RNF13: variants seen among roughly 807,000 people sequenced by gnomAD.
The protein encoded by RNF13 is ring finger protein 13.
In RNF13, 19 loss-of-function variants were observed where a neutral mutation model predicts 37.7. The ratio of observed to expected loss-of-function variants is 0.50; its 90% CI spans 0.35 to 0.74. The LOEUF (loss-of-function observed/expected upper bound fraction) is 0.74, where lower values mean the gene tolerates loss of function less well. RNF13 is among the 30% of genes least tolerant of loss of function. The pLI is 0.01. For missense variants in RNF13, 375 were observed against 453.0 expected (o/e 0.83, Z 1.56); for synonymous variants, 144 against 157.8 (o/e 0.91, Z 0.65).
At chr3:149,950,132 TTTAA>T (rs1224979072) in intron 8 of RNF13, among the ~76,000 whole-genome samples, 3 of 152,232 alleles carry the variant, frequency 2.0e-5, no homozygotes, top group African/African-American at 4.8e-5. Context: ...TCTAGCACTT[TTTAA>T]TTCTTTCTCA....
At chr3:149,897,353 G>A (rs1715373412) in intron 5 of RNF13, among the ~76,000 whole-genome samples, 2 of 152,270 alleles carry the variant, frequency 1.3e-5, no homozygotes, top group Admixed American at 6.5e-5. Flanking sequence ...ATTATTATTT[G>A]TAAACTATTT....
intron 1 of RNF13, among the ~76,000 whole-genome samples, chr3:149,817,029 G>T (rs1214985878): frequency 6.6e-6 from 1 of 152,200 alleles, no homozygotes; most frequent in Non-Finnish European, 1.5e-5. Flanking sequence ...GGTGGAAGGA[G>T]ATTTAGGAGG....
intron 3 of RNF13, among the ~76,000 whole-genome samples, chr3:149,856,538 G>T (rs1030252314): frequency 6.6e-6 from 1 of 151,462 alleles, no homozygotes; most frequent in African/African-American, 2.4e-5. Context: ...CCAACTGCTG[G>T]GTTCAAGCCA....
At chr3:149,955,776 CT>C (rs557233503) in intron 8 of RNF13, among the ~76,000 whole-genome samples, 22 of 152,230 alleles carry the variant, frequency 1.4e-4, no homozygotes, top group African/African-American at 3.9e-4. Flanking sequence ...TCTCTTTTAT[CT>C]TTTACTTTGA....
intron 3 of RNF13, among the ~76,000 whole-genome samples, chr3:149,857,635 G>A (rs1559910706): frequency 6.6e-6 from 1 of 152,080 alleles, no homozygotes; most frequent in Non-Finnish European, 1.5e-5. Context: ...AACATGTTTT[G>A]TCTTTGAAAA....
chr3:149,902,998 G>T lies in RNF13; in HGVS notation c.500+836G>T, dbSNP rs114198038. On this transcript the variant is annotated intron_variant, in intron 6 of 9. Transcript: ENST00000392894. ...CTACATTTGCCAGAAGAGGTAACTGGCACAATGAAATCCAATTCTAATTAT... is the reference window on the plus strand; with the variant it reads ...CTACATTTGCCAGAAGAGGTAACTGTCACAATGAAATCCAATTCTAATTAT... Among the ~76,000 whole-genome samples the T allele has an allele frequency of 4.2e-3, 633 of 152,118 alleles. 1 individual carries two copies. Among genetic ancestry groups the T allele is most frequent in the African/African-American group, 0.015 (612 of 41,538 alleles).
At chr3:149,911,938 A>G (rs1375242479) in intron 6 of RNF13, 40 bp from the exon 7 acceptor site, 2 of 1,019,158 alleles carry the variant, frequency 2.0e-6, no homozygotes, top group East Asian at 2.4e-5. Flanking sequence ...GAATTTAACA[A>G]CTCTTCATTT....
At chr3:149,852,341 A>G (rs979429558) in intron 2 of RNF13, among the ~76,000 whole-genome samples, 175 bp from the exon 3 acceptor site, 2 of 152,136 alleles carry the variant, frequency 1.3e-5, no homozygotes, top group South Asian at 4.1e-4. Flanking sequence ...GTTGTAAATT[A>G]TATATATTCC....
At chr3:149,853,668 T>G (rs1283008274) in intron 3 of RNF13, among the ~76,000 whole-genome samples, 1 of 128,452 alleles carries the variant, frequency 7.8e-6, no homozygotes, top group East Asian at 2.6e-4. Flanking sequence ...ATTTCAAAAG[T>G]TTTGTTTAAG....
rs894452767 is a variant in RNF13 at position 149,960,977 on chromosome 3, A to C, written c.1019A>C (p.Asp340Ala). 6.2e-7 allele frequency: 1 copy of C among 1,614,254 alleles called. No homozygotes were observed. Among genetic ancestry groups the C allele is most frequent in the African/African-American group, 1.3e-5 (1 of 75,062 alleles). The change falls in exon 10 of 10, where the codon GAC becomes GCC. Residue 340 changes from aspartate to alanine, a missense_variant. Coordinates refer to ENST00000392894, the MANE Select transcript of RNF13 (RefSeq NM_183381.3). ...RSHQNMTESS[D>A]YEEDDNEDTD... is the part of the protein sequence containing the mutation. Reference sequence around the variant, plus strand: ...CATCAGAACATGACAGAATCTTCAGACTATGAGGAAGACGACAATGAAGAT... The same window carrying C: ...CATCAGAACATGACAGAATCTTCAGCCTATGAGGAAGACGACAATGAAGAT...
At chr3:149,908,857 G>A (rs1389110282) in intron 6 of RNF13, among the ~76,000 whole-genome samples, 1 of 152,150 alleles carries the variant, frequency 6.6e-6, no homozygotes, top group Non-Finnish European at 1.5e-5. Flanking sequence ...TCAAGCTTAA[G>A]CCTAGGCAGC....
intron 1 of RNF13, among the ~76,000 whole-genome samples, chr3:149,815,552 A>G (rs570496316): frequency 4.3e-4 from 66 of 152,360 alleles, no homozygotes; most frequent in Non-Finnish European, 4.3e-4. Context: ...GTTGGTAAGC[A>G]TTGTTACTTT....
At chr3:149,884,044 TG>T (rs1713731066) in intron 4 of RNF13, among the ~76,000 whole-genome samples, 1 of 152,230 alleles carries the variant, frequency 6.6e-6, no homozygotes, top group South Asian at 2.1e-4. Context: ...TTCCTTTTTA[TG>T]GCTGCATAGT....
intron 1 of RNF13, among the ~76,000 whole-genome samples, chr3:149,830,991 G>C (rs1291346191): frequency 2.0e-5 from 3 of 152,230 alleles, no homozygotes; most frequent in South Asian, 2.1e-4. Context: ...GCTTCCACGT[G>C]GTGTTGAGCT....
intron 1 of RNF13, among the ~76,000 whole-genome samples, chr3:149,829,966 C>G (rs987841860): frequency 2.0e-5 from 3 of 151,430 alleles, no homozygotes; most frequent in Non-Finnish European, 4.4e-5. Context: ...TGCACATGCT[C>G]TCTTGCTTGC....
intron 4 of RNF13, among the ~76,000 whole-genome samples, chr3:149,889,390 C>T (rs1452596196): frequency 2.0e-5 from 3 of 147,480 alleles, no homozygotes; most frequent in African/African-American, 7.5e-5. Flanking sequence ...CTGCAACCTC[C>T]ACCTCCTGGA....
At chr3:149,884,963 A>G (rs1713857615) in intron 4 of RNF13, among the ~76,000 whole-genome samples, 2 of 152,246 alleles carry the variant, frequency 1.3e-5, no homozygotes, top group African/African-American at 4.8e-5. Flanking sequence ...GATCCCACAA[A>G]TAAGTGAAAA....
chr3:149,887,127 T>G (rs1714128982), intron 4 of RNF13, among the ~76,000 whole-genome samples: 1 of 152,152 alleles, frequency 6.6e-6, no homozygotes, highest in South Asian at 2.1e-4. Flanking sequence ...CCCGCCCGCT[T>G]CCCGGCAGCA....
intron 4 of RNF13, among the ~76,000 whole-genome samples, chr3:149,883,788 A>G (rs1398421707): frequency 6.6e-6 from 1 of 151,676 alleles, no homozygotes; most frequent in Non-Finnish European, 1.5e-5. Context: ...GGTTTGCTGC[A>G]CGGATCAACC....
Sources: allele counts gnomAD v4.1 joint callset (sites outside exome capture counted in the v4.1 genomes callset), GRCh38; gene constraint gnomAD v4.1.1; transcripts MANE v1.5; gene names NCBI Gene and HGNC (gene_info 2026-07-23, HGNC 2026-07-21).